Variants in CEP68 observed in about 807,000 individuals in gnomAD.
CEP68 encodes the protein centrosomal protein of 68 kDa.
A neutral mutation model predicts 55.3 loss-of-function variants in CEP68; 26 were observed. The ratio of observed to expected loss-of-function variants is 0.47; its 90% confidence interval spans 0.34 to 0.65. The LOEUF (loss-of-function observed/expected upper bound fraction) is 0.65, where lower values mean the gene tolerates loss of function less well. CEP68 is among the 30% of genes least tolerant of loss of function. CEP68 has a pLI of 0.01. For missense variants in CEP68, 957 were observed against 946.7 expected, an observed-to-expected ratio of 1.01 and a Z score of -0.14; for synonymous variants, 402 against 383.2, an observed-to-expected ratio of 1.05 and a Z score of -0.57.
rs1669043568 is a variant in CEP68 at position 65,086,883 on chromosome 2, A to G, written c.*3249A>G. On this transcript the variant is annotated 3_prime_UTR_variant, in exon 7 of 7. Coordinates refer to ENST00000377990, the MANE Select transcript of CEP68 (RefSeq NM_015147.3). Reference sequence around the variant, plus strand: ...AAGTAAACTATGATTTTTATTGTGAAATTTTCATAGATGGAAAATTGAATA... The same window carrying G: ...AAGTAAACTATGATTTTTATTGTGAGATTTTCATAGATGGAAAATTGAATA... The G allele has an allele frequency of 6.5e-6, 1 of 152,744 alleles. No homozygotes were observed. The highest frequency in any genetic ancestry group is 2.4e-5 in the African/African-American group (1 of 41,562). 9.5% of individuals were successfully genotyped at this position (152,744 alleles called of 1,614,324 possible). A position where few individuals can be genotyped will look rare whatever the true frequency, so the allele number is the denominator to read the frequency against.
intron 4 of CEP68, chr2:65,074,669 G>A: frequency 2.4e-6 from 1 of 421,582 alleles, no homozygotes; most frequent in South Asian, 2.0e-5. Flanking sequence ...GGCAGGTGCA[G>A]TGGGACAAGT....
chr2:65,056,629 G>A (rs1241510112), intron 1 of CEP68, 101 bp downstream of exon 1: 2 of 151,924 alleles, frequency 1.3e-5, no homozygotes, highest in African/African-American at 4.8e-5. Context: ...CCCCTCCCCC[G>A]CGTCTCTTCG....
chr2:65,081,783 T>TGCCTCCCGGGTTCAAGCCATTCTGCCTCA (rs1573052081), intron 5 of CEP68, among the ~76,000 whole-genome samples: 2 of 152,304 alleles, frequency 1.3e-5, no homozygotes, highest in East Asian at 3.9e-4. Flanking sequence ...CCACAACCTC[T>TGCCTCCCGGGTTCAAGCCATTCTGCCTCA]GCCTCCCGGG....
intron 4 of CEP68, 58 bp from the exon 5 acceptor site, chr2:65,077,810 C>A: frequency 7.6e-7 from 1 of 1,322,704 alleles, no homozygotes; most frequent in Non-Finnish European, 1.1e-6. Context: ...TTTCAAATAA[C>A]GTTTACAAAA....
chr2:65,076,987 G>A, intron 4 of CEP68, among the ~76,000 whole-genome samples: 1 of 132,308 alleles, frequency 7.6e-6, no homozygotes, highest in Non-Finnish European at 1.6e-5. Flanking sequence ...TCATGGATTT[G>A]ACTTTACCTT....
intron 5 of CEP68, among the ~76,000 whole-genome samples, chr2:65,078,628 G>C (rs1364534638): frequency 6.6e-6 from 1 of 152,190 alleles, no homozygotes; most frequent in Non-Finnish European, 1.5e-5. Context: ...AAGTTCACCT[G>C]CCTCCCAGGT....
intron 4 of CEP68, among the ~76,000 whole-genome samples, chr2:65,076,314 C>T (rs1187560418): frequency 6.6e-6 from 1 of 152,176 alleles, no homozygotes; most frequent in African/African-American, 2.4e-5. Context: ...AATTCCATCC[C>T]TCCGTCTTAT....
intron 3 of CEP68, chr2:65,073,264 C>T (rs1676589549): frequency 2.2e-6 from 1 of 460,862 alleles, no homozygotes; most frequent in Non-Finnish European, 4.0e-6. Context: ...TTTGCAGAGG[C>T]TGAGCTCTTA....
rs186268150 is a variant in CEP68 at position 65,086,976 on chromosome 2, T to C, written c.*3342T>C. On this transcript the variant is annotated 3_prime_UTR_variant, in exon 7 of 7. Transcript: ENST00000377990. ...GTACCATGTATTTCAATTGCCTGTTTAGTGAAAAATAAAAATTAAAAAAAC... is the reference window on the plus strand; with the variant it reads ...GTACCATGTATTTCAATTGCCTGTTCAGTGAAAAATAAAAATTAAAAAAAC... 5.9e-5 allele frequency: 9 copies of C among 152,664 alleles called. No homozygotes were observed. Among genetic ancestry groups the C allele is most frequent in the Admixed American group, 3.3e-4 (5 of 15,292 alleles). 9.5% of individuals were successfully genotyped at this position (152,664 alleles called of 1,614,324 possible).
At chr2:65,060,271 T>C (rs1376830674) in intron 1 of CEP68, among the ~76,000 whole-genome samples, 1 of 152,136 alleles carries the variant, frequency 6.6e-6, no homozygotes, top group Non-Finnish European at 1.5e-5. Flanking sequence ...AAAGTGAAAA[T>C]GTCTGCTGAA....
chr2:65,056,671 C>G (rs1166728567), intron 1 of CEP68, 143 bp downstream of exon 1: 1 of 152,066 alleles, frequency 6.6e-6, no homozygotes, highest in Non-Finnish European at 1.5e-5. Flanking sequence ...TGCGGGCCGT[C>G]TGGCCTCGCG....
At position 65,084,426 on chromosome 2, in the gene CEP68, A is replaced by G. The variant is rs576443944; in HGVS notation, c.*792A>G. On this transcript the variant is annotated 3_prime_UTR_variant, in exon 7 of 7. Coordinates refer to ENST00000377990, the MANE Select transcript of CEP68 (RefSeq NM_015147.3). The stretch of plus-strand genomic sequence containing the variant: ...TCCAGGCTCAGGGAAGGGAACGGAT[A>G]GGATGACACAGTAAGTACAGAAACT... The G allele has an allele frequency of 2.7e-4, 41 of 152,282 alleles. No homozygotes were observed. Among genetic ancestry groups the G allele is most frequent in the African/African-American group, 9.6e-4 (40 of 41,544 alleles). 9.4% of individuals were successfully genotyped at this position (152,282 alleles called of 1,614,324 possible).
At chr2:65,076,050 C>T (rs1464607683) in intron 4 of CEP68, among the ~76,000 whole-genome samples, 1 of 150,890 alleles carries the variant, frequency 6.6e-6, no homozygotes, top group Non-Finnish European at 1.5e-5. Flanking sequence ...AGAGAGGTTG[C>T]TTTGAGTTCC....
rs753627978 is a variant in CEP68 at position 65,077,977 on chromosome 2, A to G, written c.2104+13A>G. ...GAGAACACCCCAGGTGAGATGCTTA[A>G]GGTTTTGGATTTAGCCAGAGCTTAA... On this transcript the variant is annotated intron_variant, in intron 5 of 6. Coordinates refer to ENST00000377990, the MANE Select transcript of CEP68 (RefSeq NM_015147.3). 1 of 1,605,416 alleles carries G rather than the reference A, an allele frequency of 6.2e-7. No homozygotes were observed. Among genetic ancestry groups the G allele is most frequent in the Admixed American group, 1.7e-5 (1 of 59,722 alleles).
At chr2:65,067,783 T>C (rs1025068533) in intron 1 of CEP68, among the ~76,000 whole-genome samples, 1 of 152,216 alleles carries the variant, frequency 6.6e-6, no homozygotes, top group Non-Finnish European at 1.5e-5. Flanking sequence ...AATAATTTTC[T>C]GATTAGTTCC....
chr2:65,082,478 T>C, intron 5 of CEP68, 58 bp from the exon 6 acceptor site: 2 of 1,434,056 alleles, frequency 1.4e-6, no homozygotes, highest in Non-Finnish European at 1.9e-6. Context: ...AAATGCTTAC[T>C]GGACAACACT....
At chr2:65,075,903 G>A (rs369889715) in intron 4 of CEP68, among the ~76,000 whole-genome samples, 2 of 152,180 alleles carry the variant, frequency 1.3e-5, no homozygotes, top group South Asian at 2.1e-4. Context: ...TCCTGGGACC[G>A]TACTCCAGCT....
In CEP68 at chr2:65,071,646, G is replaced by A. The variant is rs375577480; in HGVS notation, c.550G>A (p.Val184Met). The A allele has an allele frequency of 1.5e-5, 25 of 1,614,138 alleles. No homozygotes were observed. The highest frequency in any genetic ancestry group is 1.3e-4 in the Admixed American group (8 of 60,026). Residue 184 changes from valine to methionine, a missense_variant, in exon 3 of 7, where the codon GTG (valine) becomes ATG (methionine). Transcript: ENST00000377990. ...CTCTTGCCTGTCACAGTGGAAGTCC[G>A]TGCTGAGCCCAGGTTCCGCAGCTCA... ...GLSCLSQWKS[V>M]LSPGSAAQPS... is the part of the protein sequence containing the mutation.
chr2:65,081,789 C>G (rs1668831329), intron 5 of CEP68, among the ~76,000 whole-genome samples: 3 of 152,170 alleles, frequency 2.0e-5, no homozygotes, highest in African/African-American at 7.2e-5. Flanking sequence ...CCTCTGCCTC[C>G]CGGGTTCAAG....
Sources: gnomAD v4.1 joint callset for allele counts (sites outside exome capture counted in the v4.1 genomes callset) on GRCh38, gnomAD v4.1.1 for gene constraint, MANE v1.5 for transcripts, NCBI Gene and HGNC (gene_info 2026-07-23, HGNC 2026-07-21) for gene names.